The following HS3ST2 variants were observed in gnomAD, a reference collection of about 807,000 sequenced individuals.
HS3ST2 encodes heparan sulfate-glucosamine 3-sulfotransferase 2, also known as heparan sulfate glucosamine 3-O-sulfotransferase 2.
A neutral mutation model predicts 26.3 loss-of-function variants in HS3ST2; 17 were observed. That is an observed-to-expected ratio of 0.65 (90% CI 0.44 to 0.97). The LOEUF is 0.97. HS3ST2 is among the 50% of genes least tolerant of loss of function. The probability of loss-of-function intolerance (pLI) is 0.00; values close to 1 mark genes in which losing one functional copy is unlikely to be tolerated. For missense variants in HS3ST2, 402 were observed against 501.2 expected (o/e 0.80, Z 1.89); for synonymous variants, 237 against 219.2 (o/e 1.08, Z -0.72).
chr16:22,833,399 A>G (rs1173909132), intron 1 of HS3ST2: 14 of 441,324 alleles, frequency 3.2e-5, no homozygotes, highest in South Asian at 1.9e-4. Context: ...AATTCATGGA[A>G]GCAGCAGCAA....
intron 1 of HS3ST2, among the ~76,000 whole-genome samples, chr16:22,891,601 C>A (rs980152192): frequency 6.6e-6 from 1 of 152,108 alleles, no homozygotes; most frequent in African/African-American, 2.4e-5. Context: ...ATTAAAAAAT[C>A]AATTTTAAAA....
chr16:22,865,909 T>C (rs1277123822), intron 1 of HS3ST2, among the ~76,000 whole-genome samples: 1 of 152,136 alleles, frequency 6.6e-6, no homozygotes, highest in Non-Finnish European at 1.5e-5. Context: ...TAAAGCACTA[T>C]AGTGGGTCAA....
intron 1 of HS3ST2, among the ~76,000 whole-genome samples, chr16:22,825,519 G>T (rs1901071249): frequency 6.6e-6 from 1 of 152,184 alleles, no homozygotes; most frequent in South Asian, 2.1e-4. Flanking sequence ...GCTATAGTAA[G>T]TAGCATGGAA....
chr16:22,843,847 A>G (rs1443190481), intron 1 of HS3ST2, among the ~76,000 whole-genome samples: 3 of 152,188 alleles, frequency 2.0e-5, no homozygotes, highest in Admixed American at 2.0e-4. Flanking sequence ...CTGAAGACCC[A>G]CAATCAGAAA....
chr16:22,831,350 G>A (rs1901164931), intron 1 of HS3ST2, among the ~76,000 whole-genome samples: 1 of 152,088 alleles, frequency 6.6e-6, no homozygotes, highest in Non-Finnish European at 1.5e-5. Flanking sequence ...CAATAGCCTG[G>A]GAGGGTCTGG....
intron 1 of HS3ST2, among the ~76,000 whole-genome samples, chr16:22,861,556 G>A (rs756087992): frequency 1.4e-4 from 22 of 152,096 alleles, no homozygotes; most frequent in Admixed American, 9.2e-4. Context: ...CATCTGAGCT[G>A]TCATCTGAGT....
At chr16:22,868,701 G>C (rs763460792) in intron 1 of HS3ST2, among the ~76,000 whole-genome samples, 1 of 152,036 alleles carries the variant, frequency 6.6e-6, no homozygotes, top group Non-Finnish European at 1.5e-5. Context: ...GCACTGATTT[G>C]TTTCCTTTTG....
Position 22,916,207 on chromosome 16 carries a change from C to A in HS3ST2, c.*645C>A, listed in dbSNP as rs1187491727. ...TCTCTGAAAACAACTTTGTGATTCT[C>A]CCTGCTCCCTGTGGACAAAAGCACA... On this transcript the variant is annotated 3_prime_UTR_variant, in exon 2 of 2. Coordinates refer to ENST00000261374, the MANE Select transcript of HS3ST2 (RefSeq NM_006043.2). The A allele has an allele frequency of 1.3e-5, 2 of 152,968 alleles. No homozygotes were observed. Among genetic ancestry groups the A allele is most frequent in the East Asian group, 3.9e-4 (2 of 5,194 alleles). 9.5% of individuals were successfully genotyped at this position (152,968 alleles called of 1,614,324 possible). A position where few individuals can be genotyped will look rare whatever the true frequency, so the allele number is the denominator to read the frequency against.
intron 1 of HS3ST2, among the ~76,000 whole-genome samples, chr16:22,871,917 C>A (rs1447879090): frequency 6.6e-6 from 1 of 152,122 alleles, no homozygotes; most frequent in Non-Finnish European, 1.5e-5. Context: ...CTGGGAGGTG[C>A]AAACAGACTT....
intron 1 of HS3ST2, among the ~76,000 whole-genome samples, chr16:22,818,174 G>A (rs1900903342): frequency 6.6e-6 from 1 of 152,168 alleles, no homozygotes; most frequent in Admixed American, 6.5e-5. Context: ...CGAGGTAAGA[G>A]CTGCAGGGTG....
At chr16:22,837,639 A>ACG (rs1237278159) in intron 1 of HS3ST2, among the ~76,000 whole-genome samples, 1 of 150,028 alleles carries the variant, frequency 6.7e-6, no homozygotes, top group Non-Finnish European at 1.5e-5. Flanking sequence ...AAACACACAC[A>ACG]CATATATGTA....
chr16:22,888,648 G>T (rs562912616), intron 1 of HS3ST2, among the ~76,000 whole-genome samples: 1 of 152,166 alleles, frequency 6.6e-6, no homozygotes, highest in East Asian at 1.9e-4. Context: ...GCCTGGCAAA[G>T]TGCTGGGATT....
chr16:22,912,579 C>T (rs572124597), intron 1 of HS3ST2, among the ~76,000 whole-genome samples: 2 of 152,322 alleles, frequency 1.3e-5, no homozygotes, highest in African/African-American at 2.4e-5. Flanking sequence ...CAGCAGTGTA[C>T]AGCAGAAGCA....
chr16:22,892,494 C>T (rs1405671045), intron 1 of HS3ST2, among the ~76,000 whole-genome samples: 1 of 152,084 alleles, frequency 6.6e-6, no homozygotes, highest in Non-Finnish European at 1.5e-5. Flanking sequence ...TTCCCTATAT[C>T]TCTAGCATTT....
At chr16:22,824,949 G>A (rs1459415307) in intron 1 of HS3ST2, among the ~76,000 whole-genome samples, 3 of 152,174 alleles carry the variant, frequency 2.0e-5, no homozygotes, top group Non-Finnish European at 2.9e-5. Context: ...AGGCCTCACG[G>A]TGGCACAAGG....
At position 22,888,875 on chromosome 16, in the gene HS3ST2, C is replaced by T. The variant is rs140736051; in HGVS notation, c.486-26069C>T. Reference sequence around the variant, plus strand: ...GTGAGGTGCCACTACCTCACAGGTTCTCATTGCACCTTGGGTGCATTTCCA... The same window carrying T: ...GTGAGGTGCCACTACCTCACAGGTTTTCATTGCACCTTGGGTGCATTTCCA... On this transcript the variant is annotated intron_variant, in intron 1 of 1. Coordinates refer to ENST00000261374, the MANE Select transcript of HS3ST2 (RefSeq NM_006043.2). Among the ~76,000 whole-genome samples the T allele has an allele frequency of 2.4e-4, 37 of 152,342 alleles. No homozygotes were observed. The East Asian group carries it at 6.6e-3, about 27-fold the overall frequency.
intron 1 of HS3ST2, among the ~76,000 whole-genome samples, chr16:22,911,165 C>T (rs1176118423): frequency 6.6e-6 from 1 of 152,132 alleles, no homozygotes; most frequent in Non-Finnish European, 1.5e-5. Context: ...TAAGTGACAG[C>T]AATTTTCTCC....
chr16:22,831,528 A>T (rs1331697334), intron 1 of HS3ST2, among the ~76,000 whole-genome samples: 1 of 152,026 alleles, frequency 6.6e-6, no homozygotes, highest in East Asian at 1.9e-4. Flanking sequence ...CATAATTTGT[A>T]TCTGGATTGT....
chr16:22,909,972 G>A (rs1323180931), intron 1 of HS3ST2, among the ~76,000 whole-genome samples: 1 of 146,004 alleles, frequency 6.8e-6, no homozygotes, highest in African/African-American at 2.5e-5. Context: ...GGGAGGCAGA[G>A]GTTGCAGTGA....
Sources: gnomAD v4.1 joint callset for allele counts (sites outside exome capture counted in the v4.1 genomes callset) on GRCh38, gnomAD v4.1.1 for gene constraint, MANE v1.5 for transcripts, NCBI Gene and HGNC (gene_info 2026-07-23, HGNC 2026-07-21) for gene names.